The following DEUP1 variants were observed in gnomAD, a reference collection of about 807,000 sequenced individuals.
The protein encoded by DEUP1 is deuterosome assembly protein 1, also known as coiled-coil domain containing 67.
DEUP1 carries 82 observed loss-of-function variants against 87.4 expected under a neutral mutation model. That is an observed-to-expected ratio of 0.94 (90% CI 0.78 to 1.13). DEUP1 has a LOEUF of 1.13. Ranked by LOEUF, DEUP1 falls within the 50% of genes most tolerant of loss-of-function variation. DEUP1 has a pLI of 0.00. For synonymous variants in DEUP1, 214 were observed against 222.7 expected (o/e 0.96, Z 0.35); for missense variants, 663 against 681.5 (o/e 0.97, Z 0.30).
intron 12 of DEUP1, among the ~76,000 whole-genome samples, chr11:93,412,940 A>G (rs951229223): frequency 3.3e-5 from 5 of 152,182 alleles, no homozygotes; most frequent in African/African-American, 1.2e-4. Context: ...CAAGATAAGC[A>G]AAAATGGAAA....
At chr11:93,379,420 G>T (rs1413766102) in intron 7 of DEUP1, among the ~76,000 whole-genome samples, 1 of 152,186 alleles carries the variant, frequency 6.6e-6, no homozygotes, top group Admixed American at 6.5e-5. Context: ...GCTGCAAACA[G>T]GGAAAGACTG....
chr11:93,398,311 C>T (rs1347024431), intron 11 of DEUP1, among the ~76,000 whole-genome samples: 5 of 151,968 alleles, frequency 3.3e-5, no homozygotes, highest in Non-Finnish European at 7.4e-5. Context: ...TATTTTTATA[C>T]TTATTTCAAG....
At position 93,428,057 on chromosome 11, in the gene DEUP1, T is replaced by A. The variant is rs1047541251; in HGVS notation, c.1639-9486T>A. Among the ~76,000 whole-genome samples, 34 of 152,110 alleles carry A rather than the reference T, an allele frequency of 2.2e-4. No individual in the cohort carries two copies. In the Middle Eastern group the frequency reaches 0.01, roughly 46 times the overall value. On this transcript the variant is annotated intron_variant, in intron 13 of 13. Coordinates refer to ENST00000298050, the MANE Select transcript of DEUP1 (RefSeq NM_181645.4). ...TAAACTAGTTCAACCATTGTGGAAGTCAGTGTGGCGATTCCTCAGGGATCT... is the reference window on the plus strand; with the variant it reads ...TAAACTAGTTCAACCATTGTGGAAGACAGTGTGGCGATTCCTCAGGGATCT...
chr11:93,413,209 T>A (rs1183260923), intron 12 of DEUP1, among the ~76,000 whole-genome samples: 1 of 151,650 alleles, frequency 6.6e-6, no homozygotes, highest in East Asian at 1.9e-4. Context: ...AATTTCAAAT[T>A]GAAGGGATTT....
intron 1 of DEUP1, among the ~76,000 whole-genome samples, chr11:93,331,246 C>T (rs1306544624): frequency 6.6e-6 from 1 of 152,122 alleles, no homozygotes; most frequent in Admixed American, 6.5e-5. Flanking sequence ...TTTCTACCTC[C>T]TTGAATGTTC....
Position 93,371,113 on chromosome 11 carries a change from C to A in DEUP1, c.622C>A (p.Arg208Ser), listed in dbSNP as rs116730753. The part of the protein sequence containing the change: ...CLEDSSSEIP[R>S]LICDPDPNCE... Reference sequence around the variant, plus strand: ...AGAAGACAGCAGCTCTGAAATTCCTCGTTTGATATGTGACCCAGATCCCAA... The same window carrying A: ...AGAAGACAGCAGCTCTGAAATTCCTAGTTTGATATGTGACCCAGATCCCAA... The change falls in exon 7 of 14, where the codon CGT becomes AGT. Residue 208 changes from arginine (R) to serine (S), a missense_variant. Coordinates refer to ENST00000298050, the MANE Select transcript of DEUP1 (RefSeq NM_181645.4). 3.6e-4 allele frequency: 575 copies of A among 1,612,660 alleles called. 4 individuals are homozygous for A. The African/African-American group carries it at 7.1e-3, about 20-fold the overall frequency.
chr11:93,379,180 T>C (rs1388600213), intron 7 of DEUP1, among the ~76,000 whole-genome samples: 2 of 152,178 alleles, frequency 1.3e-5, no homozygotes, highest in African/African-American at 2.4e-5. Flanking sequence ...GCGGCCCTTT[T>C]TCAGGCTGAG....
chr11:93,411,793 T>C (rs1947443539), intron 12 of DEUP1, among the ~76,000 whole-genome samples: 1 of 152,170 alleles, frequency 6.6e-6, no homozygotes, highest in Non-Finnish European at 1.5e-5. Flanking sequence ...ATTTTAAAAG[T>C]TGTATCATGT....
chr11:93,352,995 C>T (rs1944700604), intron 2 of DEUP1, among the ~76,000 whole-genome samples: 1 of 152,116 alleles, frequency 6.6e-6, no homozygotes, highest in African/African-American at 2.4e-5. Context: ...CATGCCTTCC[C>T]AACAGTCCCC....
At chr11:93,410,523 T>TA (rs1437029280) in intron 12 of DEUP1, among the ~76,000 whole-genome samples, 1 of 152,194 alleles carries the variant, frequency 6.6e-6, no homozygotes, top group Non-Finnish European at 1.5e-5. Flanking sequence ...ATGTACTGTA[T>TA]ATAGTTGCCT....
At chr11:93,378,563 T>C (rs1946147463) in intron 7 of DEUP1, among the ~76,000 whole-genome samples, 1 of 152,176 alleles carries the variant, frequency 6.6e-6, no homozygotes, top group African/African-American at 2.4e-5. Context: ...CCTTCTGAAT[T>C]ATTTTTCTGG....
chr11:93,416,821 C>T (rs902431403), intron 13 of DEUP1, among the ~76,000 whole-genome samples: 114 of 151,878 alleles, frequency 7.5e-4, no homozygotes, highest in Non-Finnish European at 1.3e-3. Flanking sequence ...CATCAAAAAG[C>T]TTATCCACCA....
chr11:93,403,368 A>C (rs1415340631), intron 11 of DEUP1, among the ~76,000 whole-genome samples: 1 of 151,950 alleles, frequency 6.6e-6, no homozygotes, highest in African/African-American at 2.4e-5. Context: ...CTTTTAGAGT[A>C]CTTGGTATAT....
At chr11:93,405,062 TA>T (rs60310351) in intron 11 of DEUP1, among the ~76,000 whole-genome samples, 2 of 151,660 alleles carry the variant, frequency 1.3e-5, no homozygotes, top group Middle Eastern at 3.4e-3. Flanking sequence ...CAACATTGGA[TA>T]AAAAAAATCA....
intron 6 of DEUP1, 60 bp from the exon 7 acceptor site, chr11:93,370,978 T>A (rs924429896): frequency 1.4e-6 from 2 of 1,447,552 alleles, no homozygotes; most frequent in Non-Finnish European, 1.9e-6. Flanking sequence ...ATTCTTGAAC[T>A]TCATGTAAGC....
chr11:93,355,169 A>T (rs1422532244), intron 2 of DEUP1, among the ~76,000 whole-genome samples: 1 of 152,224 alleles, frequency 6.6e-6, no homozygotes, highest in African/African-American at 2.4e-5. Flanking sequence ...TATTTTAAAA[A>T]ATTAAGTATA....
chr11:93,350,720 C>G (rs960902593), intron 2 of DEUP1, among the ~76,000 whole-genome samples: 1 of 151,570 alleles, frequency 6.6e-6, no homozygotes, highest in Admixed American at 6.6e-5. Flanking sequence ...GAGGCCGAAG[C>G]GGGAGGATCA....
At chr11:93,417,540 C>A (rs2134456709) in intron 13 of DEUP1, among the ~76,000 whole-genome samples, 1 of 152,328 alleles carries the variant, frequency 6.6e-6, no homozygotes, top group Non-Finnish European at 1.5e-5. Context: ...AGGATACAAA[C>A]AAATGGAAGA....
chr11:93,366,728 A>G (rs1945435900), intron 5 of DEUP1, among the ~76,000 whole-genome samples: 1 of 152,198 alleles, frequency 6.6e-6, no homozygotes. Flanking sequence ...TGTAGTATTT[A>G]TAAGAAGTTG....
Sources: gnomAD v4.1 joint callset for allele counts (sites outside exome capture counted in the v4.1 genomes callset) on GRCh38, gnomAD v4.1.1 for gene constraint, MANE v1.5 for transcripts, NCBI Gene and HGNC (gene_info 2026-07-23, HGNC 2026-07-21) for gene names.